WWOX: variants seen among roughly 807,000 people sequenced by gnomAD.
The protein encoded by WWOX is WW domain-containing oxidoreductase.
Under a neutral mutation model 46.2 loss-of-function variants are expected in WWOX, and 69 were observed. The observed-to-expected ratio is 1.49, with a 90% CI of 1.23 to 1.82. The LOEUF (loss-of-function observed/expected upper bound fraction) is 1.82, where lower values mean the gene tolerates loss of function less well. WWOX is among the 40% of genes most tolerant of loss of function. The probability of loss-of-function intolerance (pLI) is 0.00; values close to 1 mark genes in which losing one functional copy is unlikely to be tolerated. For synonymous variants in WWOX, 359 were observed against 202.6 expected, an observed-to-expected ratio of 1.77 and a Z score of -6.56; for missense variants, 919 against 542.6, an observed-to-expected ratio of 1.69 and a Z score of -6.89.
At chr16:78,916,754 C>A (rs1407850602) in intron 8 of WWOX, among the ~76,000 whole-genome samples, 1 of 152,180 alleles carries the variant, frequency 6.6e-6, no homozygotes, top group South Asian at 2.1e-4. Flanking sequence ...CTGATAAATT[C>A]TGGGAAAGTT....
At chr16:78,884,160 T>A (rs974837240) in intron 8 of WWOX, among the ~76,000 whole-genome samples, 2 of 151,082 alleles carry the variant, frequency 1.3e-5, no homozygotes, top group Non-Finnish European at 2.9e-5. Flanking sequence ...TAGTCCTAGT[T>A]ACTCGGGAGG....
chr16:79,064,895 A>C (rs1367337729), intron 8 of WWOX, among the ~76,000 whole-genome samples: 2 of 152,220 alleles, frequency 1.3e-5, no homozygotes, highest in Non-Finnish European at 2.9e-5. Flanking sequence ...GAGGATACTC[A>C]GTTTATAACG....
At chr16:78,723,325 A>C (rs756564068) in intron 8 of WWOX, among the ~76,000 whole-genome samples, 1 of 152,172 alleles carries the variant, frequency 6.6e-6, no homozygotes, top group Non-Finnish European at 1.5e-5. Flanking sequence ...CCTTGGGGTC[A>C]GTGTCTGTCA....
At chr16:78,803,015 A>G (rs1463595871) in intron 8 of WWOX, among the ~76,000 whole-genome samples, 1 of 150,258 alleles carries the variant, frequency 6.7e-6, no homozygotes, top group Non-Finnish European at 1.5e-5. Flanking sequence ...CTGCCATGGA[A>G]TTCATGGTGC....
chr16:78,671,755 A>G (rs144578844), intron 8 of WWOX, among the ~76,000 whole-genome samples: 2 of 152,354 alleles, frequency 1.3e-5, no homozygotes, highest in East Asian at 3.9e-4. Context: ...ATTATTTAGA[A>G]CATAAGTATA....
chr16:78,441,887 G>A (rs1567575578), intron 8 of WWOX, among the ~76,000 whole-genome samples: 1 of 151,422 alleles, frequency 6.6e-6, no homozygotes, highest in African/African-American at 2.4e-5. Context: ...AACCATTATT[G>A]CTGTCATTAT....
chr16:78,430,493 C>T (rs1430488492), intron 7 of WWOX, among the ~76,000 whole-genome samples: 4 of 152,058 alleles, frequency 2.6e-5, no homozygotes, highest in Non-Finnish European at 2.9e-5. Context: ...CATGAGTGTC[C>T]ACTGGGGCAT....
intron 5 of WWOX, among the ~76,000 whole-genome samples, chr16:78,372,693 G>T (rs950912074): frequency 6.6e-6 from 1 of 152,104 alleles, no homozygotes; most frequent in Non-Finnish European, 1.5e-5. Context: ...GTTTTTAGCA[G>T]TTATAGGCTT....
At position 78,942,125 on chromosome 16, in the gene WWOX, C is replaced by T. The variant is rs1199999569; in HGVS notation, c.1057-269483C>T. The stretch of plus-strand genomic sequence containing the variant: ...GACTGTGATTCTAACACGGAAGCGC[C>T]CTCCTTTTCTAGTAGCTTGGATGTG... On this transcript the variant is annotated intron_variant, in intron 8 of 8. Transcript: ENST00000566780. 3.9e-5 allele frequency among the ~76,000 whole-genome samples: 6 copies of T among 152,058 alleles called. 1 individual carries two copies. Among genetic ancestry groups the T allele is most frequent in the Non-Finnish European group, 7.4e-5 (5 of 68,016 alleles).
At chr16:78,986,976 A>G (rs955507665) in intron 8 of WWOX, among the ~76,000 whole-genome samples, 5 of 152,116 alleles carry the variant, frequency 3.3e-5, no homozygotes, top group Admixed American at 2.6e-4. Context: ...GTCAGGAGGT[A>G]CAGTGCACTT....
intron 8 of WWOX, among the ~76,000 whole-genome samples, chr16:78,782,779 T>G (rs2050362426): frequency 6.6e-6 from 1 of 152,140 alleles, no homozygotes. Context: ...CTGTATTTTA[T>G]AAATATGTGA....
intron 4 of WWOX, among the ~76,000 whole-genome samples, chr16:78,125,114 T>A (rs1279244879): frequency 1.3e-5 from 2 of 152,224 alleles, no homozygotes; most frequent in Non-Finnish European, 2.9e-5. Flanking sequence ...TTGTTACAGA[T>A]TCGTATTTAT....
At chr16:78,901,052 C>T (rs560003527) in intron 8 of WWOX, among the ~76,000 whole-genome samples, 5 of 152,178 alleles carry the variant, frequency 3.3e-5, no homozygotes, top group Non-Finnish European at 7.3e-5. Flanking sequence ...TTTTCAGACC[C>T]AACCCTTGTA....
chr16:78,948,333 G>T (rs116104948), intron 8 of WWOX, among the ~76,000 whole-genome samples: 1 of 152,146 alleles, frequency 6.6e-6, no homozygotes, highest in Non-Finnish European at 1.5e-5. Context: ...CTCCCTTTTA[G>T]AAGTTTCCAG....
chr16:79,085,973 G>A (rs1254555372), intron 8 of WWOX, among the ~76,000 whole-genome samples: 2 of 152,118 alleles, frequency 1.3e-5, no homozygotes, highest in Non-Finnish European at 2.9e-5. Flanking sequence ...TTGGGAGGCT[G>A]AGGCAGGAGG....
chr16:78,817,876 T>G (rs144788215), intron 8 of WWOX, among the ~76,000 whole-genome samples: 233 of 152,324 alleles, frequency 1.5e-3, no homozygotes, highest in African/African-American at 5.4e-3. Context: ...TAGGTCATTT[T>G]CTTTAGAAAT....
At chr16:78,796,102 A>T (rs937927102) in intron 8 of WWOX, among the ~76,000 whole-genome samples, 1 of 152,220 alleles carries the variant, frequency 6.6e-6, no homozygotes, top group African/African-American at 2.4e-5. Flanking sequence ...CTGAATGTCT[A>T]CCTAGCTATC....
At chr16:78,912,908 G>A (rs1567644400) in intron 8 of WWOX, among the ~76,000 whole-genome samples, 1 of 151,964 alleles carries the variant, frequency 6.6e-6, no homozygotes, top group Admixed American at 6.6e-5. Flanking sequence ...CTATCCATTA[G>A]CAAGAGATCA....
intron 8 of WWOX, among the ~76,000 whole-genome samples, chr16:78,485,093 G>A (rs16947701): frequency 0.15 from 22,222 of 151,798 alleles, 1,893 homozygotes; most frequent in African/African-American, 0.24. Flanking sequence ...ATTCCCAGCC[G>A]GAAAGGAAAC....
Sources: allele counts gnomAD v4.1 joint callset (sites outside exome capture counted in the v4.1 genomes callset), GRCh38; gene constraint gnomAD v4.1.1; transcripts MANE v1.5; gene names NCBI Gene and HGNC (gene_info 2026-07-23, HGNC 2026-07-21).